The following POFUT3 variants were observed in gnomAD, a reference collection of about 807,000 sequenced individuals.
POFUT3 encodes the protein GDP-fucose protein O-fucosyltransferase 3.
At chr8:33,459,993 C>T in the POFUT3 span, among the ~76,000 whole-genome samples, 1 of 152,150 alleles carries the variant, frequency 6.6e-6, no homozygotes, top group African/African-American at 2.4e-5. Flanking sequence ...GTCAGGAGTT[C>T]AAGACCAGCC....
chr8:33,372,484 C>T, the POFUT3 span: 3 of 1,479,710 alleles, frequency 2.0e-6, no homozygotes, highest in South Asian at 1.4e-5. Flanking sequence ...GATGGATAGT[C>T]AACAGAATAG....
chr8:33,451,568 ATATG>A, the POFUT3 span, among the ~76,000 whole-genome samples: 1 of 151,874 alleles, frequency 6.6e-6, no homozygotes, highest in Non-Finnish European at 1.5e-5. Flanking sequence ...GTATGTGTAT[ATATG>A]TATGTGTGTA....
chr8:33,406,178 A>G, the POFUT3 span, among the ~76,000 whole-genome samples: 1 of 152,214 alleles, frequency 6.6e-6, no homozygotes, highest in South Asian at 2.1e-4. Context: ...TTATAGCCAT[A>G]CTATAGAATC....
chr8:33,373,453 C>T, the POFUT3 span, among the ~76,000 whole-genome samples: 4 of 152,132 alleles, frequency 2.6e-5, no homozygotes, highest in African/African-American at 7.2e-5. Context: ...CTGACATTGG[C>T]ATAATACCTC....
chr8:33,436,642 G>A, the POFUT3 span: 5 of 869,866 alleles, frequency 5.7e-6, no homozygotes, highest in African/African-American at 8.3e-5. Context: ...CTAGAAGAGT[G>A]AGCGAATCTC....
the POFUT3 span, among the ~76,000 whole-genome samples, chr8:33,442,307 G>T: frequency 8.1e-6 from 1 of 124,028 alleles, no homozygotes; most frequent in Non-Finnish European, 1.7e-5. Flanking sequence ...TTTTGGGGGG[G>T]GACAGAGTCT....
the POFUT3 span, chr8:33,372,568 T>C: frequency 5.6e-6 from 9 of 1,611,784 alleles, no homozygotes; most frequent in East Asian, 4.5e-5. Context: ...ATTCTGATCA[T>C]TTTTGAAATC....
chr8:33,317,191 T>C, the POFUT3 span, among the ~76,000 whole-genome samples: 1 of 152,132 alleles, frequency 6.6e-6, no homozygotes, highest in African/African-American at 2.4e-5. Context: ...AAATACTTGG[T>C]TCCCCATAAA....
At chr8:33,459,476 C>CA in the POFUT3 span, among the ~76,000 whole-genome samples, 7,478 of 151,492 alleles carry the variant, frequency 0.049, 317 homozygotes, top group African/African-American at 0.11. Flanking sequence ...CCCATCTCTA[C>CA]AAAAAAATTA....
the POFUT3 span, among the ~76,000 whole-genome samples, chr8:33,428,438 A>G: frequency 6.6e-6 from 1 of 152,250 alleles, no homozygotes; most frequent in African/African-American, 2.4e-5. Context: ...CAATGTCAAA[A>G]TTGAGTATGA....
At chr8:33,314,965 T>C in the POFUT3 span, among the ~76,000 whole-genome samples, 1 of 152,190 alleles carries the variant, frequency 6.6e-6, no homozygotes, top group South Asian at 2.1e-4. Context: ...TCATCCTTGA[T>C]GGGAGAAGAT....
the POFUT3 span, among the ~76,000 whole-genome samples, chr8:33,360,099 T>C: frequency 2.8e-4 from 42 of 151,866 alleles, no homozygotes; most frequent in African/African-American, 9.0e-4. Flanking sequence ...TAAGTGCCAT[T>C]ATATATGACA....
At chr8:33,431,591 ATCCTAATTGCATAAT>A in the POFUT3 span, among the ~76,000 whole-genome samples, 3 of 133,074 alleles carry the variant, frequency 2.3e-5, no homozygotes, top group Admixed American at 2.5e-4. Context: ...AAAAAAGAAT[ATCCTAATTGCATAAT>A]TCCTTTGAAG....
the POFUT3 span, among the ~76,000 whole-genome samples, chr8:33,408,977 G>T: frequency 6.6e-6 from 1 of 152,104 alleles, no homozygotes; most frequent in Non-Finnish European, 1.5e-5. Context: ...AGAGATGTGA[G>T]ATCCTCCATC....
chr8:33,453,227 A>G, the POFUT3 span: 1 of 1,614,074 alleles, frequency 6.2e-7, no homozygotes, highest in East Asian at 2.2e-5. Context: ...ATAGAAGAGG[A>G]ATGCTTTGGT....
the POFUT3 span, among the ~76,000 whole-genome samples, chr8:33,439,498 A>C: frequency 6.6e-6 from 1 of 152,168 alleles, no homozygotes; most frequent in East Asian, 1.9e-4. Flanking sequence ...CATAAATCAG[A>C]ATCAAACAAA....
chr8:33,402,203 A>T, the POFUT3 span, among the ~76,000 whole-genome samples: 3 of 152,204 alleles, frequency 2.0e-5, no homozygotes, highest in Non-Finnish European at 2.9e-5. Context: ...ACAGAAGTCA[A>T]TAGTGAATAT....
At chr8:33,357,497 T>C in the POFUT3 span, among the ~76,000 whole-genome samples, 3 of 146,506 alleles carry the variant, frequency 2.0e-5, no homozygotes, top group African/African-American at 7.9e-5. Context: ...CTCTTGCAAA[T>C]ATATATATAT....
chr8:33,323,869 C>A, the POFUT3 span, among the ~76,000 whole-genome samples: 2 of 152,150 alleles, frequency 1.3e-5, no homozygotes, highest in Admixed American at 6.5e-5. Flanking sequence ...TAAGTTCTCA[C>A]CCCTCTTTCA....
Sources: allele counts gnomAD v4.1 joint callset (sites outside exome capture counted in the v4.1 genomes callset), GRCh38; gene constraint gnomAD v4.1.1; transcripts MANE v1.5; gene names NCBI Gene and HGNC (gene_info 2026-07-23, HGNC 2026-07-21).